GLRB: variants seen among roughly 807,000 people sequenced by gnomAD.
GLRB encodes glycine receptor beta.
Under a neutral mutation model 54.2 loss-of-function variants are expected in GLRB, and 33 were observed. That is an observed-to-expected ratio of 0.61 (90% CI 0.46 to 0.81). GLRB has a LOEUF of 0.81. Ranked by LOEUF, GLRB falls within the 40% of genes least tolerant of loss-of-function variation. GLRB has a pLI of 0.00. For missense variants in GLRB, 572 were observed against 584.6 expected, an observed-to-expected ratio of 0.98 and a Z score of 0.22; for synonymous variants, 209 against 208.2, an observed-to-expected ratio of 1.00 and a Z score of -0.03.
At chr4:157,079,363 T>C (rs530893561) in intron 2 of GLRB, among the ~76,000 whole-genome samples, 1 of 152,264 alleles carries the variant, frequency 6.6e-6, no homozygotes, top group African/African-American at 2.4e-5. Flanking sequence ...TGAGGTACAT[T>C]TTGGGAAGTA....
intron 2 of GLRB, among the ~76,000 whole-genome samples, chr4:157,096,240 A>G (rs1734807930): frequency 6.6e-6 from 1 of 152,174 alleles, no homozygotes; most frequent in East Asian, 1.9e-4. Flanking sequence ...AGAGGATATC[A>G]TTTTTAAATC....
At chr4:157,138,696 TAAG>T in intron 6 of GLRB, 110 bp from the exon 7 acceptor site, 1 of 641,144 alleles carries the variant, frequency 1.6e-6, no homozygotes, top group Non-Finnish European at 2.8e-6. Flanking sequence ...CAATTTCATA[TAAG>T]AAGGTCTTAT....
At chr4:157,087,589 G>A (rs944185181) in intron 2 of GLRB, among the ~76,000 whole-genome samples, 10 of 151,926 alleles carry the variant, frequency 6.6e-5, no homozygotes, top group Admixed American at 6.6e-4. Context: ...CCTGACCAGT[G>A]GAAAAAGAAT....
intron 6 of GLRB, among the ~76,000 whole-genome samples, chr4:157,137,396 T>G (rs1736441724): frequency 6.6e-6 from 1 of 152,012 alleles, no homozygotes. Context: ...CTAGGTGTAT[T>G]AATTGAAATT....
intron 4 of GLRB, among the ~76,000 whole-genome samples, chr4:157,134,249 G>A (rs1245084064): frequency 6.6e-6 from 1 of 151,864 alleles, no homozygotes; most frequent in Non-Finnish European, 1.5e-5. Flanking sequence ...TATTTGTTTT[G>A]GTCTGGATAA....
At chr4:157,165,623 G>A (rs1363026072) in intron 9 of GLRB, among the ~76,000 whole-genome samples, 1 of 151,934 alleles carries the variant, frequency 6.6e-6, no homozygotes, top group Non-Finnish European at 1.5e-5. Context: ...CTATATAATT[G>A]TCTGGAGGAT....
chr4:157,140,835 G>T (rs1264228031), intron 7 of GLRB, among the ~76,000 whole-genome samples: 1 of 151,718 alleles, frequency 6.6e-6, no homozygotes, highest in Non-Finnish European at 1.5e-5. Flanking sequence ...GACTCTATTG[G>T]ATTTTTTAAT....
intron 8 of GLRB, among the ~76,000 whole-genome samples, chr4:157,151,214 A>C (rs538426209): frequency 1.3e-5 from 2 of 152,258 alleles, no homozygotes; most frequent in South Asian, 2.1e-4. Context: ...CAAGGAAATA[A>C]GTTAGGCTTG....
chr4:157,100,762 C>A (rs1391531093), intron 2 of GLRB, among the ~76,000 whole-genome samples: 6 of 152,022 alleles, frequency 3.9e-5, no homozygotes, highest in Non-Finnish European at 7.4e-5. Flanking sequence ...GAATAATCAC[C>A]TTTTCATAAA....
intron 2 of GLRB, among the ~76,000 whole-genome samples, chr4:157,085,440 C>T (rs1734374425): frequency 6.6e-6 from 1 of 152,096 alleles, no homozygotes; most frequent in Non-Finnish European, 1.5e-5. Context: ...ACTATATCTT[C>T]CTAGTTATTC....
intron 2 of GLRB, among the ~76,000 whole-genome samples, chr4:157,103,566 A>G (rs1735115631): frequency 6.6e-6 from 1 of 152,150 alleles, no homozygotes; most frequent in Non-Finnish European, 1.5e-5. Flanking sequence ...ATTGTTTTGT[A>G]AAAATTTTCT....
At chr4:157,098,145 T>G (rs1482276818) in intron 2 of GLRB, among the ~76,000 whole-genome samples, 1 of 152,232 alleles carries the variant, frequency 6.6e-6, no homozygotes, top group Non-Finnish European at 1.5e-5. Flanking sequence ...ATAATATAAA[T>G]GGAGTAATAA....
chr4:157,136,537 T>A lies in GLRB; in HGVS notation c.366T>A (p.Phe122Leu). Residue 122 changes from phenylalanine to leucine, a missense_variant, in exon 5 of 10, where the codon TTT (phenylalanine) becomes TTA (leucine). Phe to Leu is a conservative substitution (Grantham distance 22). Transcript: ENST00000264428. Reference sequence around the variant, plus strand: ...CCAGGCTGAAGCTCCCCAGTGATTTTAGGGGTTCAGATGCACTGACAGTGG... The same window carrying A: ...CCAGGCTGAAGCTCCCCAGTGATTTAAGGGGTTCAGATGCACTGACAGTGG... Reference protein sequence around the residue: ...NDPRLKLPSDFRGSDALTVDP... With the variant: ...NDPRLKLPSDLRGSDALTVDP... 1 of 1,613,212 alleles carries A rather than the reference T, an allele frequency of 6.2e-7. No individual in the cohort carries two copies. Among genetic ancestry groups the A allele is most frequent in the Non-Finnish European group, 8.5e-7 (1 of 1,179,216 alleles).
At chr4:157,129,118 G>A (rs1405367001) in intron 4 of GLRB, among the ~76,000 whole-genome samples, 1 of 151,618 alleles carries the variant, frequency 6.6e-6, no homozygotes, top group Non-Finnish European at 1.5e-5. Flanking sequence ...GTTTAATTTG[G>A]GTGTTAATTG....
chr4:157,109,966 C>T (rs1245525608), intron 2 of GLRB, among the ~76,000 whole-genome samples: 1 of 151,950 alleles, frequency 6.6e-6, no homozygotes, highest in Non-Finnish European at 1.5e-5. Flanking sequence ...GCTCTCTAAA[C>T]CCTGTGTTTT....
At chr4:157,081,549 A>G (rs1282757298) in intron 2 of GLRB, among the ~76,000 whole-genome samples, 3 of 152,192 alleles carry the variant, frequency 2.0e-5, no homozygotes, top group Non-Finnish European at 2.9e-5. Flanking sequence ...CCACCTTTTC[A>G]TTCATACTAC....
intron 2 of GLRB, among the ~76,000 whole-genome samples, chr4:157,097,048 A>C (rs1263998440): frequency 6.6e-6 from 1 of 152,162 alleles, no homozygotes; most frequent in Non-Finnish European, 1.5e-5. Flanking sequence ...CCTTTCATTG[A>C]CTTGGTGCCA....
rs1385394209 is a variant in GLRB at position 157,170,473 on chromosome 4, TGATCTGA to T, written c.1245_1251del (p.Arg416MetfsTer101). The T allele has an allele frequency of 6.2e-7, 1 of 1,608,522 alleles. No homozygotes were observed. The highest frequency in any genetic ancestry group is 8.5e-7 in the Non-Finnish European group (1 of 1,175,248). ...GCAAAAAAGTTTGTACTTCTAAGTC[TGATCTGA>T]GATCTAATGACTTCAGCATTGTTGG... On this transcript the variant is annotated frameshift_variant, in exon 10 of 10. Coordinates refer to ENST00000264428, the MANE Select transcript of GLRB (RefSeq NM_000824.5). LOFTEE classifies it high-confidence loss of function.
intron 2 of GLRB, chr4:157,084,711 A>T (rs1305613237): frequency 2.2e-6 from 1 of 456,130 alleles, no homozygotes. Flanking sequence ...TTCAGTCTGT[A>T]TGTACTAAGA....
Sources: allele counts gnomAD v4.1 joint callset (sites outside exome capture counted in the v4.1 genomes callset), GRCh38; gene constraint gnomAD v4.1.1; transcripts MANE v1.5; gene names NCBI Gene and HGNC (gene_info 2026-07-23, HGNC 2026-07-21).